The following POR variants were observed in gnomAD, a reference collection of about 807,000 sequenced individuals.
POR encodes NADPH--cytochrome P450 reductase.
In POR, 56 loss-of-function variants were observed where a neutral mutation model predicts 84.0. The observed-to-expected ratio is 0.67, with a 90% CI of 0.54 to 0.83. The LOEUF (loss-of-function observed/expected upper bound fraction) is 0.83. POR is among the 40% of genes least tolerant of loss of function. POR has a pLI of 0.00. For synonymous variants in POR, 414 were observed against 400.5 expected (o/e 1.03, Z -0.40); for missense variants, 938 against 944.3 (o/e 0.99, Z 0.09).
At chr7:75,928,204 T>C (rs1304465061) in intron 1 of POR, among the ~76,000 whole-genome samples, 2 of 152,032 alleles carry the variant, frequency 1.3e-5, no homozygotes, top group East Asian at 3.9e-4. Flanking sequence ...CTCCTGACCT[T>C]GTGATCCACC....
At chr7:75,938,256 G>A (rs530530263) in intron 1 of POR, among the ~76,000 whole-genome samples, 1 of 152,174 alleles carries the variant, frequency 6.6e-6, no homozygotes, top group East Asian at 1.9e-4. Flanking sequence ...ATCTTCAGTG[G>A]AGAATGTTCT....
chr7:75,955,533 G>A (rs982514165), intron 2 of POR, among the ~76,000 whole-genome samples: 4 of 152,212 alleles, frequency 2.6e-5, no homozygotes, highest in African/African-American at 9.6e-5. Flanking sequence ...GGTTTGAGTG[G>A]GGACCTGCCA....
At chr7:75,937,171 A>G (rs1554550958) in intron 1 of POR, among the ~76,000 whole-genome samples, 1 of 151,490 alleles carries the variant, frequency 6.6e-6, no homozygotes, top group East Asian at 2.0e-4. Flanking sequence ...AATTGAGGCA[A>G]TCAGCTAGGC....
chr7:75,948,642 A>T (rs782083825), intron 1 of POR, among the ~76,000 whole-genome samples: 1 of 152,226 alleles, frequency 6.6e-6, no homozygotes, highest in Non-Finnish European at 1.5e-5. Flanking sequence ...CATAGTCTGT[A>T]TGCCAAGCAC....
At chr7:75,953,663 A>T (rs1234849556) in intron 1 of POR, among the ~76,000 whole-genome samples, 2 of 152,106 alleles carry the variant, frequency 1.3e-5, no homozygotes, top group African/African-American at 4.8e-5. Context: ...GTGGGATTAG[A>T]GGATGTTCCA....
At chr7:75,951,974 C>A (rs1201558753) in intron 1 of POR, among the ~76,000 whole-genome samples, 12 of 150,922 alleles carry the variant, frequency 8.0e-5, no homozygotes, top group Non-Finnish European at 1.8e-4. Context: ...CTGACCCCCC[C>A]ACCTCCCTCC....
chr7:75,972,547 C>G, intron 3 of POR, 86 bp downstream of exon 3: 1 of 1,301,522 alleles, frequency 7.7e-7, no homozygotes, highest in Non-Finnish European at 1.1e-6. Flanking sequence ...GCTGGCGTCA[C>G]CGCATAGAGG....
At chr7:75,955,578 G>A (rs782444572) in intron 2 of POR, among the ~76,000 whole-genome samples, 4 of 152,208 alleles carry the variant, frequency 2.6e-5, no homozygotes, top group East Asian at 1.9e-4. Context: ...CCAGGGGCAC[G>A]GGCCTGCTGC....
intron 2 of POR, among the ~76,000 whole-genome samples, chr7:75,970,270 G>A (rs575163434): frequency 6.6e-6 from 1 of 152,024 alleles, no homozygotes; most frequent in Non-Finnish European, 1.5e-5. Context: ...GGCCCCACAT[G>A]TACCACTTCT....
At chr7:75,931,725 T>C (rs1317773137) in intron 1 of POR, among the ~76,000 whole-genome samples, 1 of 152,160 alleles carries the variant, frequency 6.6e-6, no homozygotes, top group Non-Finnish European at 1.5e-5. Flanking sequence ...GTGTGTGCTC[T>C]TCCCCACTCT....
Position 75,985,632 on chromosome 7 carries a change from G to T in POR, c.1452G>T (p.Lys484Asn). 6.3e-7 allele frequency: 1 copy of T among 1,593,932 alleles called. No homozygotes were observed. The highest frequency in any genetic ancestry group is 8.5e-7 in the Non-Finnish European group (1 of 1,170,282). ...CGGTGGTTGTGGAGTACGAGACCAA[G>T]GCTGGCCGCATCAACAAGGGCGTGG... The change falls in exon 13 of 16, where the codon AAG becomes AAT. Residue 484 changes from lysine to asparagine, a missense_variant. Physicochemically the swap from Lys to Asn is moderately conservative, Grantham distance 94. Transcript: ENST00000461988.
intron 1 of POR, among the ~76,000 whole-genome samples, chr7:75,948,353 G>A (rs1424293819): frequency 2.0e-5 from 3 of 152,214 alleles, no homozygotes; most frequent in Non-Finnish European, 2.9e-5. Context: ...TGTGCTGGTC[G>A]GGGCTGGGGG....
chr7:75,980,400 A>T lies in POR; in HGVS notation c.428A>T (p.Tyr143Phe). ...CTGGTGGTTTTCTGCATGGCCACCT[A>T]CGGTGAGGGAGACCCCACCGACAAT... The change falls in exon 5 of 16, where the codon TAC becomes TTC. Residue 143 changes from tyrosine to phenylalanine, a missense_variant. Transcript: ENST00000461988. 1 of 1,613,178 alleles carries T rather than the reference A, an allele frequency of 6.2e-7. No individual in the cohort carries two copies. The highest frequency in any genetic ancestry group is 8.5e-7 in the Non-Finnish European group (1 of 1,179,830).
At chr7:75,917,076 T>TC (rs1324247853) in intron 1 of POR, among the ~76,000 whole-genome samples, 1 of 152,060 alleles carries the variant, frequency 6.6e-6, no homozygotes, top group East Asian at 1.9e-4. Flanking sequence ...AAGTAACTTT[T>TC]TTTTTTTTGT....
chr7:75,920,731 G>T (rs762175560), intron 1 of POR, among the ~76,000 whole-genome samples: 47 of 152,110 alleles, frequency 3.1e-4, no homozygotes, highest in Non-Finnish European at 5.9e-4. Flanking sequence ...ACAAAGGTTT[G>T]CAGGTTTGGT....
intron 1 of POR, among the ~76,000 whole-genome samples, chr7:75,930,342 C>A (rs898306549): frequency 6.6e-6 from 1 of 151,974 alleles, no homozygotes; most frequent in Non-Finnish European, 1.5e-5. Context: ...ACTAGCCAGG[C>A]GTAGTGGTGT....
chr7:75,960,335 T>C (rs1019815294), intron 2 of POR, among the ~76,000 whole-genome samples: 7 of 151,634 alleles, frequency 4.6e-5, no homozygotes, highest in Non-Finnish European at 1.0e-4. Context: ...ATAATGACTC[T>C]TTCACGTCCA....
intron 1 of POR, among the ~76,000 whole-genome samples, chr7:75,936,976 G>A (rs1009106223): frequency 3.3e-5 from 5 of 151,278 alleles, no homozygotes; most frequent in African/African-American, 7.3e-5. Context: ...ACAGGCGCCC[G>A]CCACCACACC....
rs563955542 is a variant in POR at position 75,944,157 on chromosome 7, G to A, written c.-4-9832G>A. Among the ~76,000 whole-genome samples the A allele has an allele frequency of 3.5e-3, 532 of 152,256 alleles. 4 individuals carry two copies. Among genetic ancestry groups the A allele is most frequent in the Non-Finnish European group, 5.1e-3 (347 of 68,030 alleles). On this transcript the variant is annotated intron_variant, in intron 1 of 15. Coordinates refer to ENST00000461988, the MANE Select transcript of POR (RefSeq NM_000941.3). ...AGGGTTTGTCAGCAGAGGCCCAGGA[G>A]GGAGACTGAATCTCGCCTGACAGCA...
Sources: allele counts gnomAD v4.1 joint callset (sites outside exome capture counted in the v4.1 genomes callset), GRCh38; gene constraint gnomAD v4.1.1; transcripts MANE v1.5; gene names NCBI Gene and HGNC (gene_info 2026-07-23, HGNC 2026-07-21).